TCF20: variants seen among roughly 807,000 people sequenced by gnomAD.
TCF20 encodes the protein SPRE-binding protein.
In TCF20, 3 loss-of-function variants were observed where a neutral mutation model predicts 148.6. The observed-to-expected ratio is 0.02, with a 90% CI of 0.01 to 0.05. The LOEUF is 0.05. TCF20 is among the 10% of genes least tolerant of loss of function. The pLI, the probability that TCF20 is intolerant of heterozygous loss-of-function variation, is 1.00. For missense variants in TCF20, 2,350 were observed against 2,429.3 expected (o/e 0.97, Z 0.69); for synonymous variants, 1,049 against 909.5 (o/e 1.15, Z -2.76).
At chr22:42,239,205 G>A (rs193032510) in intron 1 of TCF20, among the ~76,000 whole-genome samples, 148 of 152,156 alleles carry the variant, frequency 9.7e-4, no homozygotes, top group East Asian at 3.1e-3. Context: ...GGCTGGGCGC[G>A]GTGGCTCATG....
In TCF20 at chr22:42,341,207, C is replaced by A. The variant is rs543183023; in HGVS notation, c.-37+2272G>T. 5.9e-5 allele frequency among the ~76,000 whole-genome samples: 9 copies of A among 152,310 alleles called. No individual in the cohort carries two copies. The East Asian group carries it at 1.7e-3, about 29-fold the overall frequency. On this transcript the variant is annotated intron_variant, in intron 1 of 1. Transcript: ENST00000515426. ...CCCCCACACTCACTCACACCCTCTC[C>A]AATCAGCCAGCTCAGGGCAGACGCC...
chr22:42,320,790 A>G (rs949221056), intron 1 of TCF20, among the ~76,000 whole-genome samples: 3 of 152,192 alleles, frequency 2.0e-5, no homozygotes, highest in African/African-American at 7.2e-5. Context: ...AAATGGCTAC[A>G]TCCGCAACTT....
chr22:42,241,217 A>G (rs575467891), intron 1 of TCF20, among the ~76,000 whole-genome samples: 1 of 152,314 alleles, frequency 6.6e-6, no homozygotes, highest in South Asian at 2.1e-4. Context: ...GGAAAAAGAC[A>G]TCACACCCAA....
chr22:42,305,937 C>G (rs537518222), intron 1 of TCF20, among the ~76,000 whole-genome samples: 61 of 152,300 alleles, frequency 4.0e-4, no homozygotes, highest in African/African-American at 1.4e-3. Context: ...CCTGGGGGCT[C>G]GGAGACCTCT....
chr22:42,270,692 C>T (rs1426514040), upstream of TCF20, among the ~76,000 whole-genome samples: 2 of 140,972 alleles, frequency 1.4e-5, no homozygotes, highest in Non-Finnish European at 3.1e-5. Flanking sequence ...TGGGGAGGCT[C>T]CGGGCCGCGG....
intron 1 of TCF20, among the ~76,000 whole-genome samples, chr22:42,302,872 G>C (rs1187837984): frequency 6.6e-6 from 1 of 152,198 alleles, no homozygotes; most frequent in African/African-American, 2.4e-5. Context: ...TCCAGCCCTG[G>C]CACACGGCAC....
chr22:42,211,579 C>T lies in TCF20; in HGVS notation c.3727G>A (p.Glu1243Lys). 2 of 1,614,216 alleles carry T rather than the reference C, an allele frequency of 1.2e-6. No homozygotes were observed. Among genetic ancestry groups the T allele is most frequent in the African/African-American group, 2.7e-5 (2 of 75,054 alleles). ...AAGGGGTTTTGAGAAGAATGATCCT[C>T]CTGGCCTGGAAGTCTCAGCATAACA... ...GSVMLRLPGQEDHSSQNPLIM... is the reference protein window; with the variant it reads ...GSVMLRLPGQKDHSSQNPLIM... The change falls in exon 2 of 6, where the codon GAG becomes AAG. Residue 1243 changes from glutamate (E) to lysine (K), a missense_variant. Coordinates refer to ENST00000677622, the MANE Select transcript of TCF20 (RefSeq NM_001378418.1).
chr22:42,313,999 C>T (rs771358370), intron 1 of TCF20, among the ~76,000 whole-genome samples: 38 of 152,242 alleles, frequency 2.5e-4, no homozygotes, highest in Non-Finnish European at 4.6e-4. Flanking sequence ...CCTTCCTGTC[C>T]TTCCCTTCTC....
At chr22:42,342,748 A>T (rs575441573) in intron 1 of TCF20, among the ~76,000 whole-genome samples, 1 of 152,240 alleles carries the variant, frequency 6.6e-6, no homozygotes, top group South Asian at 2.1e-4. Context: ...TCCCAGCTGA[A>T]TGGATGACCC....
intron 5 of TCF20, among the ~76,000 whole-genome samples, chr22:42,164,257 CA>C (rs1935644134): frequency 7.5e-6 from 1 of 133,244 alleles, no homozygotes; most frequent in Non-Finnish European, 1.5e-5. Flanking sequence ...CTCTGTCGTC[CA>C]GGCTGGAGTG....
intron 1 of TCF20, among the ~76,000 whole-genome samples, chr22:42,333,433 G>T (rs1016450991): frequency 3.3e-5 from 5 of 152,192 alleles, no homozygotes; most frequent in Non-Finnish European, 5.9e-5. Context: ...TTTAGAGGAC[G>T]GTGCACCAGG....
rs1035846480 is a variant in TCF20, at chr22:42,210,299, T to C, written c.5007A>G (p.Ser1669=). ...CAGTGCTGCTAGGTGGAGGGGTCAG[T>C]GACCTCTGACCCTTCCTGCCCCTCA... ...KLVRGRKGQR[S]LTPPPSSTES... Residue 1669 remains serine (S), a synonymous_variant, in exon 2 of 6, where the codon TCA becomes TCG. Coordinates refer to ENST00000677622, the MANE Select transcript of TCF20 (RefSeq NM_001378418.1). The surrounding 1 kb of genome is among the most constrained non-coding windows in gnomAD (Gnocchi z 4.7). 1.9e-6 allele frequency: 3 copies of C among 1,614,190 alleles called. No homozygotes were observed. The South Asian group carries it at 3.3e-5, about 18-fold the overall frequency.
rs1286905872 is a variant in TCF20 at position 42,211,450 on chromosome 22, G to A, written c.3856C>T (p.His1286Tyr). 1.2e-6 allele frequency: 2 copies of A among 1,614,180 alleles called. No individual in the cohort carries two copies. The highest frequency in any genetic ancestry group is 1.7e-5 in the Admixed American group (1 of 60,022). Residue 1286 changes from histidine (H) to tyrosine (Y), a missense_variant, in exon 2 of 6, where the codon CAC becomes TAC. Physicochemically the swap from His to Tyr is moderately conservative, Grantham distance 83 (BLOSUM62 2). This residue lies in a region of TCF20 where 1,641 missense variants were observed against 1,662.6 expected (regional missense o/e 0.99). Transcript: ENST00000677622. Reference protein sequence around the residue: ...SSTEDKGRLLHSSKEGADKAF... With the variant: ...SSTEDKGRLLYSSKEGADKAF... ...TTATCAGCGCCTTCTTTTGATGAGT[G>A]AAGGAGGCGACCTTTATCTTCAGTG...
intron 1 of TCF20, among the ~76,000 whole-genome samples, chr22:42,301,181 C>T (rs911256360): frequency 1.3e-5 from 2 of 151,906 alleles, no homozygotes; most frequent in Admixed American, 6.6e-5. Flanking sequence ...GTTTATCTTG[C>T]GGGCACTAGG....
chr22:42,206,528 A>G (rs1170461412), intron 2 of TCF20, among the ~76,000 whole-genome samples: 1 of 152,160 alleles, frequency 6.6e-6, no homozygotes, highest in Non-Finnish European at 1.5e-5. Context: ...AAATTTGACT[A>G]AAGAATTTTG....
chr22:42,329,898 G>T (rs1223611497), intron 1 of TCF20, among the ~76,000 whole-genome samples: 11 of 152,188 alleles, frequency 7.2e-5, no homozygotes, highest in Non-Finnish European at 1.5e-4. Context: ...GTGGGAGGTG[G>T]AGGGAGTATG....
At chr22:42,243,282 G>C (rs1328934697) in intron 1 of TCF20, among the ~76,000 whole-genome samples, 2 of 83,898 alleles carry the variant, frequency 2.4e-5, no homozygotes, top group African/African-American at 1.1e-4. Flanking sequence ...GGCAGAGCAA[G>C]ACACTGTCTC....
At chr22:42,193,392 A>C (rs1346236156) in intron 2 of TCF20, among the ~76,000 whole-genome samples, 1 of 151,052 alleles carries the variant, frequency 6.6e-6, no homozygotes, top group African/African-American at 2.4e-5. Flanking sequence ...CTCATAGTGG[A>C]ACAATCAGAG....
chr22:42,235,445 T>A lies in TCF20; in HGVS notation c.-36-20104A>T, dbSNP rs552935268. Among the ~76,000 whole-genome samples, 5 of 152,188 alleles carry A rather than the reference T, an allele frequency of 3.3e-5. No homozygotes were observed. In the South Asian group the frequency reaches 1.0e-3, roughly 31 times the overall value. On this transcript the variant is annotated intron_variant, in intron 1 of 5. Coordinates refer to ENST00000677622, the MANE Select transcript of TCF20 (RefSeq NM_001378418.1). Reference sequence around the variant, plus strand: ...CTCTCCTGAAGTGACAGAAAGAACATTGAGTAGTACTATCTTACCTAGAGT... The same window carrying A: ...CTCTCCTGAAGTGACAGAAAGAACAATGAGTAGTACTATCTTACCTAGAGT...
Sources: gnomAD v4.1 joint callset for allele counts (sites outside exome capture counted in the v4.1 genomes callset) on GRCh38, gnomAD v4.1.1 for gene constraint, gnomAD v4.1.1 regional missense constraint, Gnocchi (gnomAD v3.1) non-coding constraint, MANE v1.5 for transcripts, NCBI Gene and HGNC (gene_info 2026-07-23, HGNC 2026-07-21) for gene names.